Variants in STIMATE observed in about 807,000 individuals in gnomAD.
The protein encoded by STIMATE is STIM activating enhancer, also known as store-operated calcium entry regulator STIMATE.
STIMATE carries 15 observed loss-of-function variants against 36.7 expected under a neutral mutation model. The ratio of observed to expected loss-of-function variants is 0.41; its 90% CI spans 0.27 to 0.63. The LOEUF (loss-of-function observed/expected upper bound fraction) is 0.63. Among genes scored for constraint, STIMATE ranks in the 20% least tolerant of loss-of-function variants. The pLI, the probability that STIMATE is intolerant of heterozygous loss-of-function variation, is 0.32. For missense variants in STIMATE, 305 were observed against 397.3 expected (o/e 0.77, Z 1.98); for synonymous variants, 163 against 162.3 (o/e 1.00, Z -0.03).
chr3:52,842,759 T>C (rs2106648601), intron 7 of STIMATE, 52 bp downstream of exon 7: 2 of 1,611,128 alleles, frequency 1.2e-6, no homozygotes, highest in Non-Finnish European at 1.7e-6. Flanking sequence ...AGAGACCCCC[T>C]TGGGCCAGCG....
chr3:52,860,477 C>A (rs762845764), intron 1 of STIMATE, among the ~76,000 whole-genome samples: 1 of 152,010 alleles, frequency 6.6e-6, no homozygotes, highest in Non-Finnish European at 1.5e-5. Flanking sequence ...GCAGGGCGTG[C>A]GGGAGAGGCA....
At chr3:52,841,244 A>G (rs1700792940) in intron 7 of STIMATE, among the ~76,000 whole-genome samples, 1 of 152,252 alleles carries the variant, frequency 6.6e-6, no homozygotes, top group Non-Finnish European at 1.5e-5. Flanking sequence ...CCCTGGCTAA[A>G]AAAAGCTCAA....
At chr3:52,843,161 C>G in intron 6 of STIMATE, 1 of 1,051,704 alleles carries the variant, frequency 9.5e-7, no homozygotes, top group South Asian at 1.7e-5. Context: ...GTTTTCTGAT[C>G]AGAGTGTGCA....
intron 4 of STIMATE, chr3:52,847,508 C>T: frequency 7.8e-7 from 1 of 1,289,804 alleles, no homozygotes; most frequent in Non-Finnish European, 1.0e-6. Flanking sequence ...TGGCTTATTT[C>T]CCTGAGTCCC....
chr3:52,877,378 G>A (rs1410585096), intron 1 of STIMATE, among the ~76,000 whole-genome samples: 1 of 152,216 alleles, frequency 6.6e-6, no homozygotes, highest in Non-Finnish European at 1.5e-5. Flanking sequence ...GGTGGGAAGA[G>A]TTCCCTTTCT....
Position 52,896,123 on chromosome 3 carries a change from T to C in STIMATE, c.160+1168A>G, listed in dbSNP as rs553402981. ...ATGATCAGAGCCTCTTCAGGGTTAC[T>C]TAAAGCCTGAGAGAATTCACTCAAA... On this transcript the variant is annotated intron_variant, in intron 1 of 7. Coordinates refer to ENST00000355083, the MANE Select transcript of STIMATE (RefSeq NM_198563.5). 3.3e-5 allele frequency among the ~76,000 whole-genome samples: 5 copies of C among 152,254 alleles called. No homozygotes were observed. The South Asian group carries it at 1.0e-3, about 32-fold the overall frequency.
At chr3:52,850,649 C>T (rs556910958) in intron 3 of STIMATE, among the ~76,000 whole-genome samples, 25 of 152,212 alleles carry the variant, frequency 1.6e-4, no homozygotes, top group Non-Finnish European at 3.1e-4. Flanking sequence ...AACAGCCTCT[C>T]GGGTTTCGCA....
Position 52,897,483 on chromosome 3 carries a change from G to C in STIMATE, c.-33C>G. ...CTCGCGGGAGGGGCGCGAGGGCCCAGGGCCCGCCCGGCCTCGCTGCCTGCC... is the reference window on the plus strand; with the variant it reads ...CTCGCGGGAGGGGCGCGAGGGCCCACGGCCCGCCCGGCCTCGCTGCCTGCC... On this transcript the variant is annotated 5_prime_UTR_variant, in exon 1 of 8. Transcript: ENST00000355083. 2.5e-6 allele frequency: 3 copies of C among 1,216,194 alleles called. No homozygotes were observed. Among genetic ancestry groups the C allele is most frequent in the Non-Finnish European group, 3.1e-6 (3 of 978,916 alleles). 75.3% of individuals were successfully genotyped at this position (1,216,194 alleles called of 1,614,324 possible).
intron 1 of STIMATE, among the ~76,000 whole-genome samples, chr3:52,878,065 G>A (rs562534106): frequency 6.2e-4 from 92 of 149,300 alleles, no homozygotes; most frequent in African/African-American, 2.1e-3. Context: ...CTGCACTCCA[G>A]CCTGGGCGAC....
intron 1 of STIMATE, among the ~76,000 whole-genome samples, chr3:52,879,889 C>G (rs1456879709): frequency 1.3e-5 from 2 of 152,164 alleles, no homozygotes; most frequent in Non-Finnish European, 2.9e-5. Context: ...TCCCTGAGGG[C>G]TCTGAACCCT....
chr3:52,849,669 A>G, intron 4 of STIMATE, 123 bp downstream of exon 4: 1 of 1,467,236 alleles, frequency 6.8e-7, no homozygotes, highest in Non-Finnish European at 9.0e-7. Flanking sequence ...TCTACCACAC[A>G]GAGAAGACAA....
intron 1 of STIMATE, among the ~76,000 whole-genome samples, chr3:52,856,034 G>C (rs1021912654): frequency 1.3e-5 from 2 of 152,352 alleles, no homozygotes; most frequent in African/African-American, 4.8e-5. Flanking sequence ...GTGAAGAAGA[G>C]ACTTTACTGA....
rs568660389 is a variant in STIMATE, at chr3:52,880,552, A to G, written c.160+16739T>C. On this transcript the variant is annotated intron_variant, in intron 1 of 7. Transcript: ENST00000355083. Reference sequence around the variant, plus strand: ...AACCCAGTGGGAGTGCTCACAGCAGAGAACGAAGACTCAGCCAAGCTCCAT... The same window carrying G: ...AACCCAGTGGGAGTGCTCACAGCAGGGAACGAAGACTCAGCCAAGCTCCAT... 4.3e-4 allele frequency among the ~76,000 whole-genome samples: 66 copies of G among 152,348 alleles called. 1 individual carries two copies. The South Asian group carries it at 0.013, about 31-fold the overall frequency.
At chr3:52,873,986 C>T (rs2106707074) in intron 1 of STIMATE, among the ~76,000 whole-genome samples, 1 of 152,346 alleles carries the variant, frequency 6.6e-6, no homozygotes, top group East Asian at 1.9e-4. Flanking sequence ...GTCCACAAAA[C>T]ACATGAAAAG....
At chr3:52,851,211 C>T (rs965002596) in intron 3 of STIMATE, among the ~76,000 whole-genome samples, 2 of 152,234 alleles carry the variant, frequency 1.3e-5, no homozygotes, top group African/African-American at 2.4e-5. Flanking sequence ...CTCTTGAGGG[C>T]CTTGTACCCA....
chr3:52,887,999 T>TTTTTTTTTG lies in STIMATE; in HGVS notation c.160+9291_160+9292insCAAAAAAAA, dbSNP rs1559499717. On this transcript the variant is annotated intron_variant, in intron 1 of 7. Coordinates refer to ENST00000355083, the MANE Select transcript of STIMATE (RefSeq NM_198563.5). ...AACTTCATATAACAGAATCAGTTTT[T>TTTTTTTTTG]TTTTTTTTTTTTTTTTTTTTTTGCC... is the stretch of plus-strand genomic sequence containing the variant. Among the ~76,000 whole-genome samples, 22 of 130,124 alleles carry TTTTTTTTTG rather than the reference T, an allele frequency of 1.7e-4. 1 individual carries two copies. Among genetic ancestry groups the TTTTTTTTTG allele is most frequent in the Non-Finnish European group, 3.2e-5 (2 of 61,950 alleles). The allele number at this position is 130,124 out of a possible 152,430, so 85.4% of individuals were successfully genotyped here.
intron 1 of STIMATE, among the ~76,000 whole-genome samples, chr3:52,874,380 C>T (rs1023908429): frequency 3.3e-5 from 5 of 152,072 alleles, no homozygotes; most frequent in African/African-American, 1.2e-4. Flanking sequence ...GTAATGTGAA[C>T]CTATTTTTAT....
At position 52,849,799 on chromosome 3, in the gene STIMATE, G is replaced by T; in HGVS notation, c.420C>A (p.Gly140=). The change falls in exon 4 of 8, where the codon GGC becomes GGA. Residue 140 remains glycine (G), a synonymous_variant. Transcript: ENST00000355083. ...GCATCCACAGCATATTACCATATTC[G>T]CCGAAGCGCAGGGACTCCCACTGCT... ...EWQQWESLRF[G]EYGDPLQCGA... is the part of the protein sequence containing the mutation. 1 of 1,612,760 alleles carries T rather than the reference G, an allele frequency of 6.2e-7. No individual in the cohort carries two copies. The highest frequency in any genetic ancestry group is 2.2e-5 in the East Asian group (1 of 44,866).
chr3:52,852,391 G>A (rs1220008614), intron 3 of STIMATE, among the ~76,000 whole-genome samples: 3 of 152,192 alleles, frequency 2.0e-5, no homozygotes, highest in African/African-American at 7.2e-5. Flanking sequence ...TGGGGAAAGT[G>A]TCAACACGCA....
Sources: gnomAD v4.1 joint callset for allele counts (sites outside exome capture counted in the v4.1 genomes callset) on GRCh38, gnomAD v4.1.1 for gene constraint, MANE v1.5 for transcripts, NCBI Gene and HGNC (gene_info 2026-07-23, HGNC 2026-07-21) for gene names.